Variants in SLC44A5 observed in about 807,000 individuals in gnomAD.
SLC44A5 encodes the protein choline transporter-like protein 5.
SLC44A5 carries 57 observed loss-of-function variants against 101.8 expected under a neutral mutation model. That is an observed-to-expected ratio of 0.56 (90% CI 0.45 to 0.70). SLC44A5 has a LOEUF of 0.70. Among genes scored for constraint, SLC44A5 ranks in the 30% least tolerant of loss-of-function variants. SLC44A5 has a pLI of 0.00. For missense variants in SLC44A5, 737 were observed against 853.1 expected, an observed-to-expected ratio of 0.86 and a Z score of 1.70; for synonymous variants, 281 against 290.9, an observed-to-expected ratio of 0.97 and a Z score of 0.35.
At chr1:75,303,639 T>G (rs1018331896) in intron 4 of SLC44A5, among the ~76,000 whole-genome samples, 2 of 152,230 alleles carry the variant, frequency 1.3e-5, no homozygotes, top group Admixed American at 6.5e-5. Context: ...ATAATTTATT[T>G]TTTATTCTTT....
chr1:75,360,934 C>T (rs746857845), intron 3 of SLC44A5, among the ~76,000 whole-genome samples: 4 of 152,124 alleles, frequency 2.6e-5, no homozygotes, highest in African/African-American at 7.2e-5. Context: ...TTCTTCCATT[C>T]CATGAACACA....
At position 75,449,541 on chromosome 1, in the gene SLC44A5, TCTC is replaced by T. The variant is rs560898723; in HGVS notation, c.14-52923_14-52921del. 5.3e-5 allele frequency among the ~76,000 whole-genome samples: 8 copies of T among 152,256 alleles called. No individual in the cohort carries two copies. In the East Asian group the frequency reaches 1.5e-3, roughly 29 times the overall value. The stretch of plus-strand genomic sequence containing the variant: ...GGACTTTGCGGGAATCTTCCTCACT[TCTC>T]CTACAGCTCTCCCATGCCCCTATAA... On this transcript the variant is annotated intron_variant, in intron 2 of 23. Transcript: ENST00000370859.
At chr1:75,212,607 A>G (rs1461159099) in intron 22 of SLC44A5, among the ~76,000 whole-genome samples, 2 of 151,860 alleles carry the variant, frequency 1.3e-5, no homozygotes, top group Non-Finnish European at 2.9e-5. Context: ...TGACCTGCTC[A>G]TTTTCTTCCT....
At chr1:75,306,482 A>T (rs950436433) in intron 4 of SLC44A5, among the ~76,000 whole-genome samples, 1 of 152,148 alleles carries the variant, frequency 6.6e-6, no homozygotes, top group Non-Finnish European at 1.5e-5. Context: ...TTAGAGATTC[A>T]AATTTTTGGT....
At chr1:75,720,396 A>G in the SLC44A5 span, 2 of 152,240 alleles carry the variant, frequency 1.3e-5, no homozygotes, top group East Asian at 3.9e-4. Flanking sequence ...AGACGTTCGA[A>G]TTATTTCACC....
chr1:75,254,254 G>T (rs1473460838), intron 6 of SLC44A5, among the ~76,000 whole-genome samples: 1 of 152,042 alleles, frequency 6.6e-6, no homozygotes, highest in Non-Finnish European at 1.5e-5. Context: ...GGCCAGGCTG[G>T]TCTCAAACTC....
chr1:75,637,484 G>A, the SLC44A5 span, among the ~76,000 whole-genome samples: 2 of 151,988 alleles, frequency 1.3e-5, no homozygotes, highest in Non-Finnish European at 2.9e-5. Context: ...TAGCGTAGAG[G>A]TTACCAGGGG....
chr1:75,338,532 A>G (rs1317725332), intron 4 of SLC44A5, among the ~76,000 whole-genome samples: 1 of 152,204 alleles, frequency 6.6e-6, no homozygotes, highest in African/African-American at 2.4e-5. Context: ...TGTAAAATGG[A>G]TGTAATCATA....
chr1:75,688,047 GCTCT>G, the SLC44A5 span, among the ~76,000 whole-genome samples: 1 of 152,168 alleles, frequency 6.6e-6, no homozygotes, highest in Non-Finnish European at 1.5e-5. Flanking sequence ...TAGTGCCTCT[GCTCT>G]CTCTGACTAG....
the SLC44A5 span, among the ~76,000 whole-genome samples, chr1:75,703,723 C>G: frequency 1.3e-5 from 2 of 151,988 alleles, no homozygotes; most frequent in Admixed American, 6.6e-5. Context: ...GCATACAGCA[C>G]GTTCTCTGTT....
intron 1 of SLC44A5, among the ~76,000 whole-genome samples, chr1:75,591,742 G>A (rs1570693424): frequency 6.6e-6 from 1 of 151,758 alleles, no homozygotes; most frequent in African/African-American, 2.4e-5. Context: ...CAAGCAACAT[G>A]ATACATCATA....
At chr1:75,312,175 G>A (rs1655356733) in intron 4 of SLC44A5, among the ~76,000 whole-genome samples, 1 of 152,132 alleles carries the variant, frequency 6.6e-6, no homozygotes, top group Non-Finnish European at 1.5e-5. Context: ...CTGCCACCAT[G>A]TAAGATGTGA....
chr1:75,274,203 C>T (rs955892477), intron 6 of SLC44A5, among the ~76,000 whole-genome samples: 2 of 151,380 alleles, frequency 1.3e-5, no homozygotes, highest in African/African-American at 4.9e-5. Flanking sequence ...CATCTAGAGC[C>T]AGCTTTTATA....
intron 2 of SLC44A5, among the ~76,000 whole-genome samples, chr1:75,410,177 A>C (rs1663183990): frequency 1.3e-5 from 2 of 152,104 alleles, no homozygotes; most frequent in Non-Finnish European, 2.9e-5. Context: ...TATTAACTAC[A>C]TTTTAAAAGA....
intron 1 of SLC44A5, among the ~76,000 whole-genome samples, chr1:75,579,789 AAG>A (rs916653568): frequency 6.6e-6 from 1 of 151,282 alleles, no homozygotes; most frequent in Non-Finnish European, 1.5e-5. Context: ...TCCTTTAACA[AAG>A]AGAGAGGATT....
intron 1 of SLC44A5, among the ~76,000 whole-genome samples, chr1:75,599,930 C>T (rs999483102): frequency 3.3e-5 from 5 of 152,008 alleles, no homozygotes; most frequent in African/African-American, 1.2e-4. Context: ...AATGAAAAGC[C>T]ATTATTGGAT....
At chr1:75,579,225 T>C (rs142895583) in intron 1 of SLC44A5, among the ~76,000 whole-genome samples, 21 of 152,306 alleles carry the variant, frequency 1.4e-4, no homozygotes, top group African/African-American at 4.6e-4. Context: ...ACTGAAGGCA[T>C]TGCAGAATTA....
intron 1 of SLC44A5, among the ~76,000 whole-genome samples, chr1:75,588,267 G>A (rs1674137080): frequency 7.3e-6 from 1 of 136,484 alleles, no homozygotes; most frequent in African/African-American, 2.6e-5. Context: ...AAGGAGGGGG[G>A]AGGAAGGGAG....
chr1:75,569,896 G>C (rs1270690899), intron 1 of SLC44A5, among the ~76,000 whole-genome samples: 1 of 152,192 alleles, frequency 6.6e-6, no homozygotes, highest in Non-Finnish European at 1.5e-5. Flanking sequence ...ACTAATACAG[G>C]AGAGGAAAAG....
Sources: gnomAD v4.1 joint callset for allele counts (sites outside exome capture counted in the v4.1 genomes callset) on GRCh38, gnomAD v4.1.1 for gene constraint, MANE v1.5 for transcripts, NCBI Gene and HGNC (gene_info 2026-07-23, HGNC 2026-07-21) for gene names.